Variants in PCDH11Y observed in about 807,000 individuals in gnomAD.
The protein encoded by PCDH11Y is protocadherin-11 Y-linked.
For missense variants in PCDH11Y, 12 were observed against 224.8 expected, an observed-to-expected ratio of 0.05 and a Z score of 6.05; for synonymous variants, 9 against 83.6, an observed-to-expected ratio of 0.11 and a Z score of 4.87.
At chrY:5,322,015 A>AT (rs2053113376) in intron 2 of PCDH11Y, among the ~76,000 whole-genome samples, 1 of 30,999 alleles carries the variant, frequency 3.2e-5, no homozygotes, top group African/African-American at 1.3e-4. Flanking sequence ...GGGGAAATAT[A>AT]TTTTTTTCAT....
intron 3 of PCDH11Y, among the ~76,000 whole-genome samples, chrY:5,040,737 A>C: frequency 3.3e-5 from 1 of 30,402 alleles, no homozygotes; most frequent in African/African-American, 1.3e-4. Context: ...AAAGAAGAGG[A>C]ATCTAAAAAT....
chrY:5,218,327 C>T, intron 2 of PCDH11Y, among the ~76,000 whole-genome samples: 7 of 33,102 alleles, frequency 2.1e-4, no homozygotes, highest in South Asian at 6.7e-4. Context: ...AGGCTGCTTT[C>T]GGGAAATAAA....
intron 2 of PCDH11Y, among the ~76,000 whole-genome samples, chrY:5,317,837 C>T: frequency 6.1e-5 from 2 of 33,025 alleles, no homozygotes; most frequent in Non-Finnish European, 1.5e-4. Flanking sequence ...TGAGAGGGTA[C>T]GTTTTCATCC....
At chrY:5,658,824 T>C in intron 4 of PCDH11Y, among the ~76,000 whole-genome samples, 2 of 33,354 alleles carry the variant, frequency 6.0e-5, no homozygotes, top group Admixed American at 2.8e-4. Context: ...TGATGACTTA[T>C]TTAGTTCATT....
In PCDH11Y at chrY:5,276,414, T is replaced by C. The variant is rs374650911; in HGVS notation, c.3129+175707T>C. ...TGAATATACTGCAAACTAATGAATT[T>C]CATGTTTTAAAAGGTGGACAGTATG... On this transcript the variant is annotated intron_variant, in intron 2 of 4. Coordinates refer to the PCDH11Y transcript ENST00000400457. Among the ~76,000 whole-genome samples the C allele has an allele frequency of 1.9e-3, 60 of 31,838 alleles. No homozygotes were observed. The South Asian group carries it at 0.032, about 17-fold the overall frequency. 85.4% of individuals were successfully genotyped at this position (31,838 alleles called of 37,273 possible). A position where few individuals can be genotyped will look rare whatever the true frequency, so the allele number is the denominator to read the frequency against.
At chrY:5,671,159 T>C (rs2124708329) in intron 4 of PCDH11Y, among the ~76,000 whole-genome samples, 2 of 32,484 alleles carry the variant, frequency 6.2e-5, no homozygotes, top group Admixed American at 5.7e-4. Context: ...CCAGGCTGTG[T>C]TGGTTACTAT....
At chrY:5,563,339 G>A in intron 3 of PCDH11Y, among the ~76,000 whole-genome samples, 1 of 33,100 alleles carries the variant, frequency 3.0e-5, no homozygotes, top group African/African-American at 1.2e-4. Context: ...GAGAGTTGTT[G>A]AAAAGATAAA....
intron 2 of PCDH11Y, among the ~76,000 whole-genome samples, chrY:5,287,005 G>C: frequency 3.0e-5 from 1 of 33,303 alleles, no homozygotes. Flanking sequence ...TCTAGCTTTT[G>C]CTCATTCAAT....
chrY:5,598,014 T>C (rs2053469354), intron 4 of PCDH11Y, among the ~76,000 whole-genome samples: 1 of 32,100 alleles, frequency 3.1e-5, no homozygotes, highest in Admixed American at 2.9e-4. Context: ...ATTAAGACTT[T>C]AGATGAATAT....
At chrY:5,145,200 T>G in intron 2 of PCDH11Y, among the ~76,000 whole-genome samples, 1 of 32,362 alleles carries the variant, frequency 3.1e-5, no homozygotes, top group Non-Finnish European at 7.5e-5. Flanking sequence ...GTTTATTTAT[T>G]CATTAACCTA....
chrY:5,494,263 G>A, intron 2 of PCDH11Y, among the ~76,000 whole-genome samples: 1 of 33,368 alleles, frequency 3.0e-5, no homozygotes, highest in Non-Finnish European at 7.4e-5. Context: ...TATTTTAAAT[G>A]TTAGTCAAAG....
chrY:5,263,015 A>G, intron 2 of PCDH11Y, among the ~76,000 whole-genome samples: 1 of 33,553 alleles, frequency 3.0e-5, no homozygotes, highest in Non-Finnish European at 7.4e-5. Flanking sequence ...CTTTGGCAGT[A>G]TCCACGTGGT....
chrY:5,046,437 C>G (rs2052639666), intron 3 of PCDH11Y, among the ~76,000 whole-genome samples: 1 of 33,720 alleles, frequency 3.0e-5, no homozygotes, highest in South Asian at 6.7e-4. Context: ...GGTCAGGGGT[C>G]AGGGACCCAC....
chrY:5,462,505 G>A, intron 2 of PCDH11Y, among the ~76,000 whole-genome samples: 2 of 32,812 alleles, frequency 6.1e-5, no homozygotes, highest in African/African-American at 2.4e-4. Flanking sequence ...CCCAAGCCCA[G>A]GATCTCAACC....
intron 2 of PCDH11Y, among the ~76,000 whole-genome samples, chrY:5,240,468 TA>T (rs2052986859): frequency 3.2e-5 from 1 of 31,191 alleles, no homozygotes; most frequent in Non-Finnish European, 7.6e-5. Context: ...GACAAATCAC[TA>T]ACTATGGCAG....
chrY:5,173,806 T>G, intron 2 of PCDH11Y, among the ~76,000 whole-genome samples: 1 of 27,928 alleles, frequency 3.6e-5, no homozygotes, highest in Non-Finnish European at 8.5e-5. Flanking sequence ...ACCCATCACC[T>G]GAGTAGCGTA....
At chrY:5,639,156 C>T in intron 4 of PCDH11Y, among the ~76,000 whole-genome samples, 1 of 29,767 alleles carries the variant, frequency 3.4e-5, no homozygotes, top group Non-Finnish European at 7.9e-5. Context: ...TTTCTTTGTC[C>T]TGTGGGATAG....
intron 4 of PCDH11Y, among the ~76,000 whole-genome samples, chrY:5,603,912 AAAG>A (rs2053476101): frequency 3.4e-5 from 1 of 29,246 alleles, no homozygotes; most frequent in African/African-American, 1.4e-4. Flanking sequence ...AGAAAGAAAG[AAAG>A]AAAGAAAGAA....
chrY:5,284,647 G>T, intron 2 of PCDH11Y, among the ~76,000 whole-genome samples: 1 of 32,333 alleles, frequency 3.1e-5, no homozygotes, highest in Admixed American at 2.9e-4. Flanking sequence ...ATAAAAAAAA[G>T]TTTGCATCTA....
Sources: allele counts gnomAD v4.1 joint callset (sites outside exome capture counted in the v4.1 genomes callset), GRCh38; gene constraint gnomAD v4.1.1; transcripts MANE v1.5; gene names NCBI Gene and HGNC (gene_info 2026-07-23, HGNC 2026-07-21).